PTPRE: variants seen among roughly 807,000 people sequenced by gnomAD.
PTPRE encodes the protein protein tyrosine phosphatase receptor type E, also known as receptor-type tyrosine-protein phosphatase epsilon.
A neutral mutation model predicts 102.0 loss-of-function variants in PTPRE; 51 were observed. That is an observed-to-expected ratio of 0.50 (90% CI 0.40 to 0.63). PTPRE has a LOEUF of 0.63. PTPRE is among the 30% of genes least tolerant of loss of function. The pLI, the probability that PTPRE is intolerant of heterozygous loss-of-function variation, is 0.00. For missense variants in PTPRE, 752 were observed against 915.1 expected (o/e 0.82, Z 2.30); for synonymous variants, 345 against 348.2 (o/e 0.99, Z 0.10).
At chr10:127,916,743 T>G (rs1482415926) in intron 1 of PTPRE, among the ~76,000 whole-genome samples, 3 of 152,014 alleles carry the variant, frequency 2.0e-5, no homozygotes, top group African/African-American at 4.8e-5. Flanking sequence ...ACCCAAACAT[T>G]TGTACACCAT....
chr10:127,964,729 T>G (rs1850108770), intron 1 of PTPRE: 1 of 217,456 alleles, frequency 4.6e-6, no homozygotes, highest in African/African-American at 2.3e-5. Flanking sequence ...TTGGTGATAT[T>G]TGGGAATATG....
intron 1 of PTPRE, among the ~76,000 whole-genome samples, chr10:127,965,616 C>G (rs1850188457): frequency 6.6e-6 from 1 of 152,212 alleles, no homozygotes; most frequent in African/African-American, 2.4e-5. Flanking sequence ...TTGAATTGCT[C>G]TTTTACTTTA....
intron 1 of PTPRE, among the ~76,000 whole-genome samples, chr10:127,971,132 G>A (rs922051196): frequency 2.6e-5 from 4 of 152,164 alleles, no homozygotes; most frequent in African/African-American, 7.2e-5. Flanking sequence ...AAGTTAGATC[G>A]GGAGTCTCCA....
intron 20 of PTPRE, among the ~76,000 whole-genome samples, chr10:128,081,465 C>T (rs140824593): frequency 1.1e-4 from 17 of 152,318 alleles, no homozygotes; most frequent in East Asian, 5.8e-4. Flanking sequence ...CACTTGTACT[C>T]GAGACTACGT....
chr10:127,976,326 C>T (rs79993413), intron 1 of PTPRE, among the ~76,000 whole-genome samples: 10,439 of 152,180 alleles, frequency 0.069, 493 homozygotes, highest in East Asian at 0.16. Context: ...CATAGACAGA[C>T]GAGGCAGTAT....
chr10:127,995,842 CA>C (rs1442848529), intron 2 of PTPRE, among the ~76,000 whole-genome samples: 21 of 149,178 alleles, frequency 1.4e-4, no homozygotes, highest in African/African-American at 4.9e-4. Flanking sequence ...CACACACACA[CA>C]CACACACACA....
At chr10:127,938,697 T>A (rs1000460729) in intron 1 of PTPRE, among the ~76,000 whole-genome samples, 15 of 152,280 alleles carry the variant, frequency 9.9e-5, no homozygotes, top group South Asian at 6.2e-4. Flanking sequence ...ATATATATAT[T>A]TTTTTGCTAC....
chr10:127,919,330 C>T (rs923537529), intron 1 of PTPRE, among the ~76,000 whole-genome samples: 12 of 152,208 alleles, frequency 7.9e-5, no homozygotes, highest in Admixed American at 5.2e-4. Flanking sequence ...TCTACCCTTG[C>T]GCTTTAGATG....
chr10:128,063,030 C>A, intron 9 of PTPRE, 53 bp from the exon 10 acceptor site: 1 of 1,608,396 alleles, frequency 6.2e-7, no homozygotes, highest in Non-Finnish European at 8.5e-7. Context: ...GCTGGGACCC[C>A]AAAGGGACTT....
At chr10:128,080,394 C>T (rs1362175034) in intron 20 of PTPRE, among the ~76,000 whole-genome samples, 2 of 152,208 alleles carry the variant, frequency 1.3e-5, no homozygotes, top group Non-Finnish European at 2.9e-5. Context: ...GCTCACGCAG[C>T]GCCCTGTGCA....
rs1279440492 is a variant in PTPRE, at chr10:128,041,066, G to T, written c.109+76G>T. 7.2e-6 allele frequency: 9 copies of T among 1,252,890 alleles called. No individual in the cohort carries two copies. In the East Asian group the frequency reaches 2.2e-4, roughly 30 times the overall value. 77.6% of individuals were successfully genotyped at this position (1,252,890 alleles called of 1,614,324 possible). A position where few individuals can be genotyped will look rare whatever the true frequency, so the allele number is the denominator to read the frequency against. On this transcript the variant is annotated intron_variant, in intron 3 of 20. Coordinates refer to ENST00000254667, the MANE Select transcript of PTPRE (RefSeq NM_006504.6). ...CTGGGACCATTCAGAGGGTGATAAA[G>T]GGGCTTAGGGTAAGAGAAGAATGGT...
intron 11 of PTPRE, among the ~76,000 whole-genome samples, chr10:128,067,376 AC>A (rs2135999564): frequency 7.7e-6 from 1 of 130,252 alleles, no homozygotes; most frequent in South Asian, 2.6e-4. Context: ...ACACATGCAC[AC>A]ATTCACACAT....
intron 2 of PTPRE, among the ~76,000 whole-genome samples, chr10:128,017,325 G>C (rs1266223004): frequency 7.2e-5 from 11 of 152,132 alleles, no homozygotes; most frequent in Admixed American, 7.2e-4. Context: ...GGAGGTAAGA[G>C]GCCTGGCACG....
At chr10:127,980,168 T>C (rs1483019400) in intron 1 of PTPRE, among the ~76,000 whole-genome samples, 1 of 152,218 alleles carries the variant, frequency 6.6e-6, no homozygotes, top group Non-Finnish European at 1.5e-5. Flanking sequence ...CCTGCCATCA[T>C]GCTCTATGTA....
Position 128,070,249 on chromosome 10 carries a change from C to G in PTPRE, c.1144-52C>G, listed in dbSNP as rs2136022260. The G allele has an allele frequency of 6.5e-7, 1 of 1,542,998 alleles. No homozygotes were observed. Among genetic ancestry groups the G allele is most frequent in the Admixed American group, 2.0e-5 (1 of 50,146 alleles). On this transcript the variant is annotated intron_variant, in intron 13 of 20. Transcript: ENST00000254667. The surrounding 1 kb of genome is among the most constrained non-coding windows in gnomAD (Gnocchi z 4.8). The stretch of plus-strand genomic sequence containing the variant: ...TTTGGTCTGCCAAGCTCCACGTGGG[C>G]CAAGACTGCAGGGCAGAGTTGAGGG...
In PTPRE at chr10:128,081,020, G is replaced by T. The variant is rs570561760; in HGVS notation, c.2028+1325G>T. On this transcript the variant is annotated intron_variant, in intron 20 of 20. Transcript: ENST00000254667. Reference sequence around the variant, plus strand: ...GCAGGTGCCTCCAGTTAGGACGGTTGAGGGGCCTGCCTGAGATCTTCAGGT... The same window carrying T: ...GCAGGTGCCTCCAGTTAGGACGGTTTAGGGGCCTGCCTGAGATCTTCAGGT... Among the ~76,000 whole-genome samples the T allele has an allele frequency of 1.3e-4, 20 of 152,278 alleles. No individual in the cohort carries two copies. In the South Asian group the frequency reaches 4.1e-3, roughly 32 times the overall value.
intron 1 of PTPRE, among the ~76,000 whole-genome samples, chr10:127,963,700 GCGTGCACACACA>G (rs947216140): frequency 2.0e-5 from 3 of 152,080 alleles, no homozygotes; most frequent in Non-Finnish European, 4.4e-5. Context: ...ATGCATGCGT[GCGTGCACACACA>G]CGTGCACACA....
At chr10:128,013,198 T>C (rs943283813) in intron 2 of PTPRE, among the ~76,000 whole-genome samples, 1 of 152,182 alleles carries the variant, frequency 6.6e-6, no homozygotes, top group Non-Finnish European at 1.5e-5. Context: ...AACGTAACCC[T>C]GGAACTGTAT....
intron 2 of PTPRE, among the ~76,000 whole-genome samples, chr10:128,013,117 G>T (rs114739139): frequency 0.011 from 1,610 of 152,202 alleles, 35 homozygotes; most frequent in African/African-American, 0.037. Flanking sequence ...GGTTACTGCT[G>T]TGCTGCATTA....
Sources: gnomAD v4.1 joint callset for allele counts (sites outside exome capture counted in the v4.1 genomes callset) on GRCh38, gnomAD v4.1.1 for gene constraint, Gnocchi (gnomAD v3.1) non-coding constraint, MANE v1.5 for transcripts, NCBI Gene and HGNC (gene_info 2026-07-23, HGNC 2026-07-21) for gene names.